Variants in ZC3HAV1 observed in about 807,000 individuals in gnomAD.
ZC3HAV1 encodes the protein zinc finger CCCH-type containing, antiviral 1.
A neutral mutation model predicts 86.6 loss-of-function variants in ZC3HAV1; 41 were observed. That is an observed-to-expected ratio of 0.47 (90% CI 0.37 to 0.61). The LOEUF (loss-of-function observed/expected upper bound fraction) is 0.61. ZC3HAV1 is among the 20% of genes least tolerant of loss of function. ZC3HAV1 has a pLI of 0.00. For synonymous variants in ZC3HAV1, 421 were observed against 432.1 expected (o/e 0.97, Z 0.32); for missense variants, 964 against 1,141.1 (o/e 0.84, Z 2.24).
intron 7 of ZC3HAV1, among the ~76,000 whole-genome samples, chr7:139,065,338 A>T (rs1329868468): frequency 6.6e-6 from 1 of 152,240 alleles, no homozygotes; most frequent in East Asian, 1.9e-4. Context: ...CCACGCCGGC[A>T]TCTGTCATCT....
chr7:139,079,979 G>C lies in ZC3HAV1; in HGVS notation c.962C>G (p.Thr321Arg), dbSNP rs1181233523. Reference protein sequence around the residue: ...GSSKATDLGGTSQAGTSQRFL... With the variant: ...GSSKATDLGGRSQAGTSQRFL... ...CCTCTGGCTTGTCCCGGCCTGACTTGTTCCTCCAAGATCAGTAGCCTTGGA... is the reference window on the plus strand; with the variant it reads ...CCTCTGGCTTGTCCCGGCCTGACTTCTTCCTCCAAGATCAGTAGCCTTGGA... Residue 321 changes from threonine to arginine, a missense_variant, in exon 4 of 13, where the codon ACA (threonine) becomes AGA (arginine). Transcript: ENST00000242351. The C allele has an allele frequency of 1.2e-6, 2 of 1,614,082 alleles. No homozygotes were observed. Among genetic ancestry groups the C allele is most frequent in the South Asian group, 2.2e-5 (2 of 91,070 alleles).
At chr7:139,071,269 TG>T in intron 7 of ZC3HAV1, among the ~76,000 whole-genome samples, 1 of 152,100 alleles carries the variant, frequency 6.6e-6, no homozygotes, top group South Asian at 2.1e-4. Context: ...GCTAATTTTC[TG>T]TGTGTATTTT....
intron 3 of ZC3HAV1, among the ~76,000 whole-genome samples, chr7:139,082,325 A>AT (rs1045737197): frequency 7.4e-6 from 1 of 135,358 alleles, no homozygotes; most frequent in African/African-American, 3.1e-5. Context: ...GATGGCTATT[A>AT]TTAAAAAAAA....
chr7:139,073,657 A>AT (rs1427357312), intron 7 of ZC3HAV1, among the ~76,000 whole-genome samples, 199 bp downstream of exon 7: 1 of 151,856 alleles, frequency 6.6e-6, no homozygotes, highest in Non-Finnish European at 1.5e-5. Context: ...CGCCTGGCTA[A>AT]TTTTTGTATT....
chr7:139,060,446 C>CA (rs1229421693), intron 9 of ZC3HAV1: 1 of 989,634 alleles, frequency 1.0e-6, no homozygotes, highest in Non-Finnish European at 1.2e-6. Context: ...TATCTCTCAC[C>CA]AAAACCCTTG....
chr7:139,073,796 T>C, intron 7 of ZC3HAV1, 60 bp downstream of exon 7: 1 of 1,510,530 alleles, frequency 6.6e-7, no homozygotes, highest in Non-Finnish European at 8.9e-7. Flanking sequence ...CAGCCAACAG[T>C]GTTCTTTTTA....
chr7:139,106,411 G>A (rs62485916), intron 1 of ZC3HAV1, among the ~76,000 whole-genome samples: 9 of 152,208 alleles, frequency 5.9e-5, no homozygotes, highest in Non-Finnish European at 7.4e-5. Context: ...TCAGGAGTTC[G>A]AGACCGGCCT....
chr7:139,080,648 C>A (rs191077452), intron 3 of ZC3HAV1, among the ~76,000 whole-genome samples: 1 of 152,136 alleles, frequency 6.6e-6, no homozygotes, highest in African/African-American at 2.4e-5. Context: ...ATTCCATGGC[C>A]TAGGATGACA....
At chr7:139,064,771 G>T in intron 8 of ZC3HAV1, 108 bp downstream of exon 8, 1 of 1,557,824 alleles carries the variant, frequency 6.4e-7, no homozygotes, top group South Asian at 1.2e-5. Flanking sequence ...GCTAAATCTT[G>T]ACCTTGACCC....
intron 2 of ZC3HAV1, among the ~76,000 whole-genome samples, chr7:139,088,687 C>G (rs1563137409): frequency 6.6e-6 from 1 of 152,216 alleles, no homozygotes; most frequent in Non-Finnish European, 1.5e-5. Context: ...CATAAAGGAT[C>G]AGATAGTAAA....
intron 7 of ZC3HAV1, among the ~76,000 whole-genome samples, chr7:139,066,332 A>G (rs1816606919): frequency 6.6e-6 from 1 of 152,162 alleles, no homozygotes; most frequent in South Asian, 2.1e-4. Flanking sequence ...GCGGAGGGCA[A>G]CAGAATGTAC....
At chr7:139,065,056 T>C (rs1816558038) in intron 7 of ZC3HAV1, 57 bp from the exon 8 acceptor site, 13 of 1,601,202 alleles carry the variant, frequency 8.1e-6, no homozygotes, top group Middle Eastern at 1.7e-4. Flanking sequence ...AAATCTCTAC[T>C]GTTATATGAT....
chr7:139,090,583 A>G (rs979244321), intron 1 of ZC3HAV1, among the ~76,000 whole-genome samples: 5 of 152,174 alleles, frequency 3.3e-5, no homozygotes, highest in Non-Finnish European at 2.9e-5. Flanking sequence ...CCTATCGTGA[A>G]TTTAAATTTT....
At chr7:139,094,508 A>AC (rs1817524971) in intron 1 of ZC3HAV1, among the ~76,000 whole-genome samples, 1 of 151,940 alleles carries the variant, frequency 6.6e-6, no homozygotes, top group African/African-American at 2.4e-5. Flanking sequence ...AAAAAAAAAA[A>AC]AAAAAACAGC....
chr7:139,061,984 T>G (rs896041778), intron 8 of ZC3HAV1, among the ~76,000 whole-genome samples: 1 of 152,190 alleles, frequency 6.6e-6, no homozygotes, highest in African/African-American at 2.4e-5. Flanking sequence ...ATGTGCCTAC[T>G]GCAAGCGTTT....
In ZC3HAV1 at chr7:139,047,523, G is replaced by A; in HGVS notation, c.*71C>T. 6.3e-7 allele frequency: 1 copy of A among 1,592,874 alleles called. No individual in the cohort carries two copies. Among genetic ancestry groups the A allele is most frequent in the Non-Finnish European group, 8.5e-7 (1 of 1,170,836 alleles). The stretch of plus-strand genomic sequence containing the variant: ...AGGAAAATATAAAACTTTAACTCCT[G>A]TCTGCGGCAATTTAGTTCTGTAAAG... On this transcript the variant is annotated 3_prime_UTR_variant, in exon 13 of 13. Transcript: ENST00000242351.
chr7:139,097,422 A>ATT (rs1563140647), intron 1 of ZC3HAV1, among the ~76,000 whole-genome samples: 7 of 79,464 alleles, frequency 8.8e-5, no homozygotes, highest in African/African-American at 3.1e-4. Flanking sequence ...ATATATATAT[A>ATT]TATATATTTT....
At chr7:139,070,705 G>C (rs983600541) in intron 7 of ZC3HAV1, among the ~76,000 whole-genome samples, 7 of 150,742 alleles carry the variant, frequency 4.6e-5, no homozygotes, top group Admixed American at 3.3e-4. Flanking sequence ...GCTGGGTTGG[G>C]TGCGGTGGCT....
intron 1 of ZC3HAV1, 145 bp from the exon 2 acceptor site, chr7:139,089,904 T>A: frequency 1.3e-6 from 1 of 763,404 alleles, no homozygotes; most frequent in Non-Finnish European, 1.9e-6. Context: ...AAGAATACAC[T>A]ATATTTATTT....
Sources: gnomAD v4.1 joint callset for allele counts (sites outside exome capture counted in the v4.1 genomes callset) on GRCh38, gnomAD v4.1.1 for gene constraint, MANE v1.5 for transcripts, NCBI Gene and HGNC (gene_info 2026-07-23, HGNC 2026-07-21) for gene names.